PADI4: variants seen among roughly 807,000 people sequenced by gnomAD.
PADI4 encodes protein-arginine deiminase type-4.
Under a neutral mutation model 75.0 loss-of-function variants are expected in PADI4, and 62 were observed. That is an observed-to-expected ratio of 0.83 (90% CI 0.67 to 1.02). The LOEUF is 1.02. Among genes scored for constraint, PADI4 ranks in the 50% least tolerant of loss-of-function variants. The pLI is 0.00. For synonymous variants in PADI4, 361 were observed against 348.1 expected (o/e 1.04, Z -0.41); for missense variants, 845 against 850.5 (o/e 0.99, Z 0.08).
intron 1 of PADI4, among the ~76,000 whole-genome samples, chr1:17,321,765 G>A (rs774440469): frequency 6.6e-6 from 1 of 152,200 alleles, no homozygotes. Context: ...ACCAAGATGA[G>A]TGTCAATCAT....
At chr1:17,324,080 T>A (rs1321017463) in intron 1 of PADI4, among the ~76,000 whole-genome samples, 1 of 152,054 alleles carries the variant, frequency 6.6e-6, no homozygotes, top group Non-Finnish European at 1.5e-5. Context: ...ATGAAAGAGA[T>A]TCTCCAGAGT....
intron 1 of PADI4, among the ~76,000 whole-genome samples, chr1:17,326,138 T>C (rs2074114302): frequency 1.3e-5 from 2 of 152,220 alleles, no homozygotes; most frequent in Admixed American, 1.3e-4. Flanking sequence ...GTAATATTTC[T>C]TTTGCTTTCC....
In PADI4 at chr1:17,346,177, G is replaced by C. The variant is rs754563935; in HGVS notation, c.1047+38G>C. 38 of 1,368,472 alleles carry C rather than the reference G, an allele frequency of 2.8e-5. No individual in the cohort carries two copies. The South Asian group carries it at 4.2e-4, about 15-fold the overall frequency. 84.8% of individuals were successfully genotyped at this position (1,368,472 alleles called of 1,614,324 possible). Reference sequence around the variant, plus strand: ...CGGGGCAGGCAGGGTGACTGTCCCTGAGGGCCAAGAGACACTTGGGGGACC... The same window carrying C: ...CGGGGCAGGCAGGGTGACTGTCCCTCAGGGCCAAGAGACACTTGGGGGACC... On this transcript the variant is annotated intron_variant, in intron 9 of 15. Coordinates refer to ENST00000375448, the MANE Select transcript of PADI4 (RefSeq NM_012387.3). This position sits in a 1 kb window ranked among gnomAD's most constrained non-coding sequence, Gnocchi z 4.3.
At position 17,308,238 on chromosome 1, in the gene PADI4, T is replaced by C; in HGVS notation, c.16T>C (p.Leu6=). Residue 6 remains leucine (L), a synonymous_variant, in exon 1 of 16, where the codon TTG becomes CTG. Transcript: ENST00000375448. ...TAGCCCGACGATGGCCCAGGGGACA[T>C]TGATCCGTGTGACCCCAGAGCAGCC... MAQGT[L]IRVTPEQPTH... 2 of 1,614,024 alleles carry C rather than the reference T, an allele frequency of 1.2e-6. No individual in the cohort carries two copies. Among genetic ancestry groups the C allele is most frequent in the Non-Finnish European group, 1.7e-6 (2 of 1,179,966 alleles).
At chr1:17,363,236 A>G (rs2074871223) in intron 15 of PADI4, among the ~76,000 whole-genome samples, 1 of 152,226 alleles carries the variant, frequency 6.6e-6, no homozygotes, top group Admixed American at 6.5e-5. Context: ...CTCCTCCCTC[A>G]GCCTCCAAAG....
intron 1 of PADI4, among the ~76,000 whole-genome samples, chr1:17,328,582 G>A (rs1205172109): frequency 6.6e-6 from 1 of 152,034 alleles, no homozygotes; most frequent in African/African-American, 2.4e-5. Flanking sequence ...AGGAGGTCAA[G>A]GCTGCAGTGA....
chr1:17,328,052 T>G (rs979629062), intron 1 of PADI4, among the ~76,000 whole-genome samples: 2 of 152,252 alleles, frequency 1.3e-5, no homozygotes, highest in African/African-American at 4.8e-5. Context: ...CTCACTCTGT[T>G]GCCCAGGATG....
At chr1:17,329,277 G>A (rs974615906) in intron 1 of PADI4, among the ~76,000 whole-genome samples, 12 of 147,702 alleles carry the variant, frequency 8.1e-5, no homozygotes, top group African/African-American at 3.0e-4. Context: ...AGTGAGCCAA[G>A]ATCACGCCAC....
chr1:17,341,824 G>T, intron 6 of PADI4, 119 bp from the exon 7 acceptor site: 2 of 700,164 alleles, frequency 2.9e-6, no homozygotes, highest in Non-Finnish European at 4.8e-6. Context: ...GGCTGCAAGG[G>T]GTTCTCTGAT....
intron 1 of PADI4, among the ~76,000 whole-genome samples, chr1:17,330,224 T>C (rs2074185798): frequency 6.6e-6 from 1 of 152,222 alleles, no homozygotes; most frequent in African/African-American, 2.4e-5. Flanking sequence ...GGGATTCGCT[T>C]TCTGTCAGTC....
chr1:17,327,602 C>T (rs113581581), intron 1 of PADI4, among the ~76,000 whole-genome samples: 2,857 of 151,038 alleles, frequency 0.019, 111 homozygotes, highest in African/African-American at 0.066. Context: ...AGTACAGTGG[C>T]GTGATCTCAG....
chr1:17,361,831 G>A (rs1033894318), intron 15 of PADI4, among the ~76,000 whole-genome samples: 1 of 152,196 alleles, frequency 6.6e-6, no homozygotes, highest in Non-Finnish European at 1.5e-5. Flanking sequence ...TTTACATATG[G>A]AAAGTGCCAT....
rs775037202 is a variant in PADI4 at position 17,359,421 on chromosome 1, C to T, written c.1758+13C>T. ...TTTCCCCAACATGGTGAGGAGGTGG[C>T]GGCTTTAAAACCCCAGGGTGTGGCA... On this transcript the variant is annotated intron_variant, in intron 15 of 15. Transcript: ENST00000375448. The T allele has an allele frequency of 2.6e-5, 42 of 1,613,590 alleles. No homozygotes were observed. Among genetic ancestry groups the T allele is most frequent in the Non-Finnish European group, 3.0e-5 (35 of 1,179,792 alleles).
At chr1:17,354,713 G>T in intron 11 of PADI4, 26 bp downstream of exon 11, 4 of 1,575,396 alleles carry the variant, frequency 2.5e-6, no homozygotes, top group Non-Finnish European at 3.4e-6. Flanking sequence ...ACAGGAAGGG[G>T]TGGCCAGGAC....
chr1:17,314,795 C>A (rs2073903465), intron 1 of PADI4, among the ~76,000 whole-genome samples: 1 of 152,246 alleles, frequency 6.6e-6, no homozygotes, highest in African/African-American at 2.4e-5. Flanking sequence ...CCCAGCTGGT[C>A]TGCAGGAGAG....
In PADI4 at chr1:17,363,859, GCC is replaced by G. The variant is rs1281093392; in HGVS notation, c.*105_*106del. On this transcript the variant is annotated 3_prime_UTR_variant, in exon 16 of 16. Transcript: ENST00000375448. ...TGAATATTGTGGCTCCCTGGGGGCG[GCC>G]AGCCCTCCCAGCAGTGGCTTGCTTT... The G allele has an allele frequency of 1.3e-6, 1 of 741,986 alleles. No homozygotes were observed. Among genetic ancestry groups the G allele is most frequent in the Admixed American group, 2.5e-5 (1 of 39,964 alleles). 46.0% of individuals were successfully genotyped at this position (741,986 alleles called of 1,614,324 possible). A position where few individuals can be genotyped will look rare whatever the true frequency, so the allele number is the denominator to read the frequency against.
At chr1:17,318,164 A>G (rs1569988532) in intron 1 of PADI4, among the ~76,000 whole-genome samples, 1 of 152,234 alleles carries the variant, frequency 6.6e-6, no homozygotes. Context: ...TTTGGGAAGC[A>G]TTGGTCTTTA....
At chr1:17,316,736 T>TTA (rs1166964855) in intron 1 of PADI4, among the ~76,000 whole-genome samples, 56 of 126,488 alleles carry the variant, frequency 4.4e-4, no homozygotes, top group African/African-American at 1.5e-3. Flanking sequence ...TTAATTAAAA[T>TTA]AAATAAATAA....
At chr1:17,318,728 C>T (rs995172621) in intron 1 of PADI4, among the ~76,000 whole-genome samples, 1 of 151,548 alleles carries the variant, frequency 6.6e-6, no homozygotes, top group African/African-American at 2.4e-5. Context: ...CTCTATCACC[C>T]AGGCTGGAGT....
Sources: allele counts gnomAD v4.1 joint callset (sites outside exome capture counted in the v4.1 genomes callset), GRCh38; gene constraint gnomAD v4.1.1; non-coding constraint Gnocchi (gnomAD v3.1); transcripts MANE v1.5; gene names NCBI Gene and HGNC (gene_info 2026-07-23, HGNC 2026-07-21).